CNTN6: variants seen among roughly 807,000 people sequenced by gnomAD.
The protein encoded by CNTN6 is contactin-6.
CNTN6 carries 137 observed loss-of-function variants against 122.8 expected under a neutral mutation model. The ratio of observed to expected loss-of-function variants is 1.12; its 90% CI spans 0.97 to 1.29. The LOEUF (loss-of-function observed/expected upper bound fraction) is 1.29. CNTN6 is among the 50% of genes most tolerant of loss of function. The pLI, the probability that CNTN6 is intolerant of heterozygous loss-of-function variation, is 0.00. For synonymous variants in CNTN6, 570 were observed against 426.0 expected (o/e 1.34, Z -4.16); for missense variants, 1,634 against 1,223.4 (o/e 1.34, Z -5.01).
In CNTN6 at chr3:1,268,510, G is replaced by A. The variant is rs1227985696; in HGVS notation, c.359-9903G>A. On this transcript the variant is annotated intron_variant, in intron 4 of 22. Coordinates refer to ENST00000446702, the MANE Select transcript of CNTN6 (RefSeq NM_001289080.2). Reference sequence around the variant, plus strand: ...TAGTCCCAGCTACTTGGGAGGCTGAGGCAGGAGAATGGCGTGAACCCGGGA... The same window carrying A: ...TAGTCCCAGCTACTTGGGAGGCTGAAGCAGGAGAATGGCGTGAACCCGGGA... Among the ~76,000 whole-genome samples the A allele has an allele frequency of 4.0e-5, 6 of 150,480 alleles. No individual in the cohort carries two copies. In the East Asian group the frequency reaches 6.1e-4, roughly 15 times the overall value.
At chr3:1,229,084 C>G (rs910612658) in intron 4 of CNTN6, among the ~76,000 whole-genome samples, 2 of 152,102 alleles carry the variant, frequency 1.3e-5, no homozygotes, top group African/African-American at 4.8e-5. Flanking sequence ...AAATATGTTG[C>G]TAACTGTATC....
At chr3:1,348,157 C>CAAAAAAGAAAAAAAAAAA (rs1705041574) in intron 11 of CNTN6, among the ~76,000 whole-genome samples, 1 of 64,302 alleles carries the variant, frequency 1.6e-5, no homozygotes, top group Non-Finnish European at 2.8e-5. Context: ...ATGCTATAGA[C>CAAAAAAGAAAAAAAAAAA]AAAAAAAAAA....
chr3:1,110,038 C>T (rs1255309240), intron 1 of CNTN6, among the ~76,000 whole-genome samples: 1 of 151,936 alleles, frequency 6.6e-6, no homozygotes, highest in Non-Finnish European at 1.5e-5. Flanking sequence ...TCAGCTTTTC[C>T]ATTTGCTTGA....
chr3:1,230,785 G>A lies in CNTN6; in HGVS notation c.358+2792G>A, dbSNP rs114137169. On this transcript the variant is annotated intron_variant, in intron 4 of 22. Coordinates refer to ENST00000446702, the MANE Select transcript of CNTN6 (RefSeq NM_001289080.2). The stretch of plus-strand genomic sequence containing the variant: ...TAAAACTCATGCACTTCATGTCACA[G>A]TATTGAGTCCTTCTCAAACACTGAC... Among the ~76,000 whole-genome samples, 1,461 of 152,306 alleles carry A rather than the reference G, an allele frequency of 9.6e-3. 18 individuals are homozygous for A. The highest frequency in any genetic ancestry group is 9.9e-3 in the Non-Finnish European group (673 of 68,032).
intron 12 of CNTN6, among the ~76,000 whole-genome samples, chr3:1,357,432 C>T (rs1253496599): frequency 6.6e-6 from 1 of 151,834 alleles, no homozygotes; most frequent in Non-Finnish European, 1.5e-5. Flanking sequence ...TAAATACATT[C>T]TCTGTCCTAG....
intron 17 of CNTN6, among the ~76,000 whole-genome samples, chr3:1,379,757 G>A (rs1026376175): frequency 5.9e-5 from 9 of 151,902 alleles, no homozygotes; most frequent in African/African-American, 1.9e-4. Flanking sequence ...TAGTGAAATC[G>A]GTTTCCCATT....
chr3:1,204,086 C>T (rs767560595), intron 2 of CNTN6, among the ~76,000 whole-genome samples: 35 of 152,138 alleles, frequency 2.3e-4, no homozygotes, highest in Non-Finnish European at 2.8e-4. Context: ...TGACACATTT[C>T]GCAGAATGCA....
At chr3:1,236,730 T>C (rs1473531587) in intron 4 of CNTN6, among the ~76,000 whole-genome samples, 3 of 152,258 alleles carry the variant, frequency 2.0e-5, no homozygotes, top group Middle Eastern at 3.4e-3. Context: ...CAAGCCAAGA[T>C]GAAACTTCTG....
intron 20 of CNTN6, among the ~76,000 whole-genome samples, chr3:1,395,314 G>T (rs771251908): frequency 6.6e-6 from 1 of 152,100 alleles, no homozygotes; most frequent in East Asian, 1.9e-4. Context: ...ATTTTTGGAG[G>T]TCAGGAGTTA....
chr3:1,335,873 T>A (rs935857705), intron 11 of CNTN6, among the ~76,000 whole-genome samples: 3 of 151,588 alleles, frequency 2.0e-5, no homozygotes, highest in Admixed American at 1.3e-4. Context: ...TGCAAAAAAA[T>A]TTTAAAAAGG....
At chr3:1,138,769 A>G (rs745599846) in intron 1 of CNTN6, among the ~76,000 whole-genome samples, 3 of 150,588 alleles carry the variant, frequency 2.0e-5, no homozygotes, top group Non-Finnish European at 2.9e-5. Context: ...TTTGGAATAT[A>G]TGAAGAAGCA....
chr3:1,244,334 A>G (rs1177079073), intron 4 of CNTN6, among the ~76,000 whole-genome samples: 2 of 151,994 alleles, frequency 1.3e-5, no homozygotes, highest in African/African-American at 4.8e-5. Context: ...CCTCCTAGAA[A>G]AGTGGGACTT....
chr3:1,160,221 C>T (rs879447475), intron 2 of CNTN6, among the ~76,000 whole-genome samples: 3 of 151,640 alleles, frequency 2.0e-5, no homozygotes, highest in African/African-American at 4.8e-5. Flanking sequence ...TCAACCTACC[C>T]ATGTAAGCAG....
intron 1 of CNTN6, among the ~76,000 whole-genome samples, chr3:1,118,114 C>G (rs1444856455): frequency 6.6e-6 from 1 of 152,118 alleles, no homozygotes. Flanking sequence ...CTTAGTAAGG[C>G]TAAATATGTA....
chr3:1,298,874 C>T (rs995222990), intron 7 of CNTN6, among the ~76,000 whole-genome samples: 10 of 152,088 alleles, frequency 6.6e-5, no homozygotes, highest in Non-Finnish European at 1.3e-4. Context: ...GAGGTAAGCT[C>T]GGAGGGCTTA....
At position 1,373,630 on chromosome 3, in the gene CNTN6, C is replaced by G. The variant is rs767013665; in HGVS notation, c.1813C>G (p.Gln605Glu). The part of the protein sequence containing the change: ...RGPPGPPEDV[Q>E]VEDISSTTSQ... ...TCCACCAGGTCCTCCTGAGGATGTG[C>G]AAGTGGAAGACATTTCCAGTACTAC... The change falls in exon 15 of 23, where the codon CAA becomes GAA. Residue 605 changes from glutamine to glutamate, a missense_variant. Coordinates refer to ENST00000446702, the MANE Select transcript of CNTN6 (RefSeq NM_001289080.2). The G allele has an allele frequency of 1.9e-6, 3 of 1,612,166 alleles. No individual in the cohort carries two copies. Among genetic ancestry groups the G allele is most frequent in the Non-Finnish European group, 2.5e-6 (3 of 1,178,956 alleles).
chr3:1,380,739 C>G (rs147201353), intron 17 of CNTN6, among the ~76,000 whole-genome samples: 1 of 152,090 alleles, frequency 6.6e-6, no homozygotes, highest in South Asian at 2.1e-4. Context: ...TGTCTCAAAA[C>G]CTTTATTTTC....
At chr3:1,341,093 G>A (rs916960372) in intron 11 of CNTN6, among the ~76,000 whole-genome samples, 6 of 151,944 alleles carry the variant, frequency 3.9e-5, no homozygotes, top group African/African-American at 1.4e-4. Context: ...TCCTCACAAT[G>A]TTCAGACTTC....
chr3:1,331,618 C>T (rs1235665120), intron 11 of CNTN6, among the ~76,000 whole-genome samples: 1 of 151,850 alleles, frequency 6.6e-6, no homozygotes, highest in East Asian at 1.9e-4. Context: ...TGCTGTGGAA[C>T]AGAAAAACAT....
Sources: allele counts gnomAD v4.1 joint callset (sites outside exome capture counted in the v4.1 genomes callset), GRCh38; gene constraint gnomAD v4.1.1; transcripts MANE v1.5; gene names NCBI Gene and HGNC (gene_info 2026-07-23, HGNC 2026-07-21).